SAMD8: variants seen among roughly 807,000 people sequenced by gnomAD.
SAMD8 encodes sterile alpha motif domain containing 8, also known as sphingomyelin synthase-related protein 1.
Under a neutral mutation model 42.0 loss-of-function variants are expected in SAMD8, and 20 were observed. That is an observed-to-expected ratio of 0.48 (90% CI 0.34 to 0.69). The LOEUF (loss-of-function observed/expected upper bound fraction) is 0.69. SAMD8 is among the 30% of genes least tolerant of loss of function. The probability of loss-of-function intolerance (pLI) is 0.01; values close to 1 mark genes in which losing one functional copy is unlikely to be tolerated. For synonymous variants in SAMD8, 162 were observed against 173.0 expected (o/e 0.94, Z 0.50); for missense variants, 328 against 511.6 (o/e 0.64, Z 3.46).
intron 2 of SAMD8, among the ~76,000 whole-genome samples, chr10:75,160,848 G>T (rs895805246): frequency 4.6e-5 from 7 of 152,070 alleles, no homozygotes; most frequent in Non-Finnish European, 1.0e-4. Flanking sequence ...CTAAATAGGG[G>T]AAAGTTGGTT....
At chr10:75,124,648 CT>C (rs1409585926) in intron 1 of SAMD8, among the ~76,000 whole-genome samples, 2 of 149,788 alleles carry the variant, frequency 1.3e-5, no homozygotes, top group African/African-American at 4.9e-5. Context: ...TCAGAAAAAT[CT>C]AGAGAGCAAA....
Position 75,150,552 on chromosome 10 carries a change from C to G in SAMD8, c.24C>G (p.Cys8Trp), listed in dbSNP as rs1438813935. 1 of 1,613,486 alleles carries G rather than the reference C, an allele frequency of 6.2e-7. No individual in the cohort carries two copies. Among genetic ancestry groups the G allele is most frequent in the Non-Finnish European group, 8.5e-7 (1 of 1,179,668 alleles). The change falls in exon 2 of 6, where the codon TGC (cysteine) becomes TGG (tryptophan). Residue 8 changes from cysteine (C) to tryptophan (W), a missense_variant. Transcript: ENST00000542569. Reference sequence around the variant, plus strand: ...AAATGGCAGGTCCTAATCAACTCTGCATTCGCCGCTGGACTACCAAGCATG... The same window carrying G: ...AAATGGCAGGTCCTAATCAACTCTGGATTCGCCGCTGGACTACCAAGCATG... MAGPNQLCIRRWTTKHVA... is the reference protein window; with the variant it reads MAGPNQLWIRRWTTKHVA...
intron 1 of SAMD8, among the ~76,000 whole-genome samples, chr10:75,139,840 TA>T (rs1834073406): frequency 6.6e-6 from 1 of 152,210 alleles, no homozygotes; most frequent in Non-Finnish European, 1.5e-5. Context: ...AATTTGTTTT[TA>T]TATGGATTTT....
At chr10:75,109,214 T>C, upstream of SAMD8, 1 of 1,470,360 alleles carries the variant, frequency 6.8e-7, no homozygotes, top group Non-Finnish European at 9.0e-7. Context: ...CTCTCCAGTG[T>C]CATTTCTCCT....
rs935181472 is a variant in SAMD8, at chr10:75,178,327, G to C, written c.*1635G>C. The C allele has an allele frequency of 6.6e-6, 1 of 152,190 alleles. No individual in the cohort carries two copies. Among genetic ancestry groups the C allele is most frequent in the Non-Finnish European group, 1.5e-5 (1 of 68,046 alleles). 9.4% of individuals were successfully genotyped at this position (152,190 alleles called of 1,614,324 possible). On this transcript the variant is annotated 3_prime_UTR_variant, in exon 6 of 6. Coordinates refer to ENST00000542569, the MANE Select transcript of SAMD8 (RefSeq NM_001174156.2). ...TTTTAAATCTCACAACTCAGAATCT[G>C]ATATCTTAAATCACTGATTCTGTTA...
At position 75,168,813 on chromosome 10, in the gene SAMD8, T is replaced by C. The variant is rs552613997; in HGVS notation, c.792+155T>C. Among the ~76,000 whole-genome samples the C allele has an allele frequency of 1.4e-4, 21 of 152,354 alleles. No homozygotes were observed. The South Asian group carries it at 4.3e-3, about 32-fold the overall frequency. The stretch of plus-strand genomic sequence containing the variant: ...TATAGAAATAATTTGGTAAAAGTCT[T>C]AAGCCAGATTCTACCTCTCTCTTAT... On this transcript the variant is annotated intron_variant, in intron 4 of 5. Coordinates refer to ENST00000542569, the MANE Select transcript of SAMD8 (RefSeq NM_001174156.2).
intron 2 of SAMD8, among the ~76,000 whole-genome samples, chr10:75,160,228 GCT>G (rs1421951910): frequency 6.6e-6 from 1 of 151,574 alleles, no homozygotes; most frequent in African/African-American, 2.4e-5. Context: ...ACAGAGTCTT[GCT>G]CTGTCGCCCA....
intron 2 of SAMD8, among the ~76,000 whole-genome samples, chr10:75,164,050 A>G (rs1840619308): frequency 6.6e-6 from 1 of 152,050 alleles, no homozygotes; most frequent in African/African-American, 2.4e-5. Flanking sequence ...GAGACCCCAT[A>G]CAAAAAATAC....
chr10:75,144,433 TTC>T (rs1439368769), intron 1 of SAMD8, among the ~76,000 whole-genome samples: 2 of 149,842 alleles, frequency 1.3e-5, no homozygotes, highest in East Asian at 3.8e-4. Flanking sequence ...ACAGCCACCA[TTC>T]TACTTTCTGT....
At chr10:75,141,604 C>T (rs1158958070) in intron 1 of SAMD8, among the ~76,000 whole-genome samples, 14 of 148,568 alleles carry the variant, frequency 9.4e-5, no homozygotes, top group African/African-American at 3.5e-4. Context: ...TTCAGTGGTG[C>T]GATCTCCGCT....
Position 75,150,877 on chromosome 10 carries a change from C to T in SAMD8, c.349C>T (p.His117Tyr). ...CTGGCTCTGTAATGGGGAGCTTTCC[C>T]ATGACTGTGACGGACCCATAACTGA... is the stretch of plus-strand genomic sequence containing the variant. ...TDWLCNGELS[H>Y]DCDGPITDLN... The change falls in exon 2 of 6, where the codon CAT becomes TAT. Residue 117 changes from histidine to tyrosine, a missense_variant. This residue lies in a region of SAMD8 where 150 missense variants were observed against 186.0 expected (regional missense o/e 0.81). Coordinates refer to ENST00000542569, the MANE Select transcript of SAMD8 (RefSeq NM_001174156.2). The T allele has an allele frequency of 6.2e-7, 1 of 1,613,078 alleles. No homozygotes were observed. Among genetic ancestry groups the T allele is most frequent in the Non-Finnish European group, 8.5e-7 (1 of 1,179,472 alleles).
Position 75,174,652 on chromosome 10 carries a change from C to T in SAMD8, c.793-1414C>T, listed in dbSNP as rs899352814. Among the ~76,000 whole-genome samples, 11 of 151,250 alleles carry T rather than the reference C, an allele frequency of 7.3e-5. No homozygotes were observed. In the East Asian group the frequency reaches 9.7e-4, roughly 13 times the overall value. On this transcript the variant is annotated intron_variant, in intron 4 of 5. Coordinates refer to ENST00000542569, the MANE Select transcript of SAMD8 (RefSeq NM_001174156.2). ...TTTTCCATGTTGGTCAGGCTGATCT[C>T]GAACTCCTGACCTCAGATGATCCAC...
chr10:75,128,363 G>A (rs756934979), intron 1 of SAMD8, among the ~76,000 whole-genome samples: 2 of 151,972 alleles, frequency 1.3e-5, no homozygotes, highest in Admixed American at 6.6e-5. Context: ...GTGAGCCACC[G>A]CACCCGCCCT....
At chr10:75,123,584 GA>G (rs2134432017) in intron 1 of SAMD8, among the ~76,000 whole-genome samples, 1 of 152,320 alleles carries the variant, frequency 6.6e-6, no homozygotes, top group Non-Finnish European at 1.5e-5. Context: ...GGTGGGAGTG[GA>G]AATGGGGCTG....
At chr10:75,127,340 G>T (rs1849169091) in intron 1 of SAMD8, among the ~76,000 whole-genome samples, 1 of 152,144 alleles carries the variant, frequency 6.6e-6, no homozygotes, top group Non-Finnish European at 1.5e-5. Flanking sequence ...ATTGTCATGG[G>T]TAAGAATATG....
In SAMD8 at chr10:75,179,659, T is replaced by C. The variant is rs1841047936; in HGVS notation, c.*2967T>C. 6.6e-6 allele frequency: 1 copy of C among 152,242 alleles called. No homozygotes were observed. Among genetic ancestry groups the C allele is most frequent in the African/African-American group, 2.4e-5 (1 of 41,466 alleles). The allele number at this position is 152,242 out of a possible 1,614,324, so 9.4% of individuals were successfully genotyped here. On this transcript the variant is annotated 3_prime_UTR_variant, in exon 6 of 6. Coordinates refer to ENST00000542569, the MANE Select transcript of SAMD8 (RefSeq NM_001174156.2). Reference sequence around the variant, plus strand: ...AACATTGAGACAAATTTATTTTCAGTTTTACTTAAACATGAAACCTGTATT... The same window carrying C: ...AACATTGAGACAAATTTATTTTCAGCTTTACTTAAACATGAAACCTGTATT...
At chr10:75,159,718 G>A (rs1209213426) in intron 2 of SAMD8, among the ~76,000 whole-genome samples, 6 of 152,180 alleles carry the variant, frequency 3.9e-5, no homozygotes, top group African/African-American at 9.7e-5. Context: ...GACCTACACT[G>A]TCCCAAATTA....
At chr10:75,140,390 C>T (rs767591003) in intron 1 of SAMD8, among the ~76,000 whole-genome samples, 1 of 152,188 alleles carries the variant, frequency 6.6e-6, no homozygotes, top group Non-Finnish European at 1.5e-5. Flanking sequence ...CAGGCTTGAG[C>T]CACCCCGCCC....
At chr10:75,103,920 G>A (rs994519986) in intron 1 of SAMD8, 1 of 1,314,728 alleles carries the variant, frequency 7.6e-7, no homozygotes, top group Non-Finnish European at 1.0e-6. Context: ...CAGTGGCTGA[G>A]AGGGGGTGTA....
Sources: gnomAD v4.1 joint callset for allele counts (sites outside exome capture counted in the v4.1 genomes callset) on GRCh38, gnomAD v4.1.1 for gene constraint, gnomAD v4.1.1 regional missense constraint, MANE v1.5 for transcripts, NCBI Gene and HGNC (gene_info 2026-07-23, HGNC 2026-07-21) for gene names.